Variants in KLF12 observed in about 807,000 individuals in gnomAD.
KLF12 encodes the protein KLF transcription factor 12.
In KLF12, 9 loss-of-function variants were observed where a neutral mutation model predicts 37.8. The ratio of observed to expected loss-of-function variants is 0.24; its 90% CI spans 0.14 to 0.42. The LOEUF is 0.42. Among genes scored for constraint, KLF12 ranks in the 10% least tolerant of loss-of-function variants. The pLI is 1.00. For missense variants in KLF12, 411 were observed against 516.0 expected (o/e 0.80, Z 1.97); for synonymous variants, 208 against 202.1 (o/e 1.03, Z -0.25).
chr13:73,970,078 T>C (rs762693556), intron 2 of KLF12, among the ~76,000 whole-genome samples: 1 of 152,126 alleles, frequency 6.6e-6, no homozygotes, highest in Admixed American at 6.6e-5. Flanking sequence ...ATTTGATATA[T>C]AGCTGGTGCA....
intron 6 of KLF12, among the ~76,000 whole-genome samples, chr13:73,725,639 A>T (rs570015680): frequency 6.6e-6 from 1 of 151,590 alleles, no homozygotes; most frequent in Non-Finnish European, 1.5e-5. Flanking sequence ...TTGTGGTGGA[A>T]GCTCCTTGTA....
At chr13:74,135,236 T>G (rs1032922105), upstream of KLF12, among the ~76,000 whole-genome samples, 3 of 151,926 alleles carry the variant, frequency 2.0e-5, no homozygotes, top group African/African-American at 7.2e-5. Context: ...AAGGGGCCCC[T>G]GCCTGCGCCA....
chr13:74,178,072 T>C, the KLF12 span, among the ~76,000 whole-genome samples: 1 of 152,222 alleles, frequency 6.6e-6, no homozygotes, highest in South Asian at 2.1e-4. Context: ...TTCTACGGTG[T>C]CACCAAGGAG....
the KLF12 span, among the ~76,000 whole-genome samples, chr13:74,162,729 A>G: frequency 1.3e-5 from 2 of 152,222 alleles, no homozygotes; most frequent in Non-Finnish European, 2.9e-5. Context: ...TGTGAAATGC[A>G]GAGGCATTGG....
chr13:74,012,089 T>C (rs189058857), intron 1 of KLF12, among the ~76,000 whole-genome samples: 1 of 152,348 alleles, frequency 6.6e-6, no homozygotes, highest in East Asian at 1.9e-4. Context: ...ATCTAGCATT[T>C]AATGCATCTG....
chr13:74,179,809 A>G, the KLF12 span, among the ~76,000 whole-genome samples: 1 of 152,188 alleles, frequency 6.6e-6, no homozygotes, highest in Admixed American at 6.5e-5. Context: ...AATATGTCCT[A>G]AGAAAGGAGA....
intron 6 of KLF12, among the ~76,000 whole-genome samples, chr13:73,722,541 C>T (rs1173555109): frequency 6.6e-6 from 1 of 152,178 alleles, no homozygotes; most frequent in Non-Finnish European, 1.5e-5. Context: ...GATTCACAGG[C>T]ATCAAGTTCC....
At chr13:74,057,140 G>A (rs762950502) in intron 1 of KLF12, among the ~76,000 whole-genome samples, 2 of 152,110 alleles carry the variant, frequency 1.3e-5, no homozygotes, top group Non-Finnish European at 2.9e-5. Context: ...TCGATTTCAG[G>A]CTTTTTTGTT....
intron 2 of KLF12, among the ~76,000 whole-genome samples, chr13:73,965,551 T>C (rs1891149504): frequency 6.6e-6 from 1 of 152,276 alleles, no homozygotes; most frequent in East Asian, 1.9e-4. Context: ...CTTGCGCTTG[T>C]ATCTACATGG....
chr13:73,933,499 CT>C (rs1889779942), intron 3 of KLF12, among the ~76,000 whole-genome samples: 1 of 152,090 alleles, frequency 6.6e-6, no homozygotes, highest in East Asian at 1.9e-4. Context: ...AGTTTCTGAT[CT>C]GAGGACAGGC....
the KLF12 span, among the ~76,000 whole-genome samples, chr13:74,176,397 G>T: frequency 6.6e-6 from 1 of 152,010 alleles, no homozygotes; most frequent in African/African-American, 2.4e-5. Context: ...ACATTATCCC[G>T]GAAGACTTCT....
chr13:74,262,035 C>G, the KLF12 span, among the ~76,000 whole-genome samples: 1 of 152,160 alleles, frequency 6.6e-6, no homozygotes, highest in Non-Finnish European at 1.5e-5. Flanking sequence ...TGGGGCCTCT[C>G]TTTTTGCCAT....
the KLF12 span, among the ~76,000 whole-genome samples, chr13:74,265,688 C>A: frequency 6.6e-6 from 1 of 152,186 alleles, no homozygotes; most frequent in Non-Finnish European, 1.5e-5. Context: ...GTGGGACCTA[C>A]AGACACATCC....
At chr13:73,962,874 T>A (rs1033420993) in intron 2 of KLF12, among the ~76,000 whole-genome samples, 10 of 152,318 alleles carry the variant, frequency 6.6e-5, no homozygotes, top group African/African-American at 2.4e-4. Flanking sequence ...TTGCCAAGTC[T>A]ATAAAATTAT....
chr13:73,762,109 T>G (rs966142337), intron 6 of KLF12, among the ~76,000 whole-genome samples: 4 of 152,172 alleles, frequency 2.6e-5, no homozygotes, highest in African/African-American at 9.7e-5. Flanking sequence ...AAGTTCTTAT[T>G]GCCATTCTTT....
At chr13:74,175,029 C>T in the KLF12 span, among the ~76,000 whole-genome samples, 1 of 152,222 alleles carries the variant, frequency 6.6e-6, no homozygotes, top group Non-Finnish European at 1.5e-5. Flanking sequence ...ACAACTCACA[C>T]TGCAGATGCC....
intron 3 of KLF12, among the ~76,000 whole-genome samples, chr13:73,885,273 C>A (rs1259924360): frequency 6.6e-6 from 1 of 152,204 alleles, no homozygotes; most frequent in African/African-American, 2.4e-5. Flanking sequence ...TGCATCAACA[C>A]CTACCTAGTA....
Position 73,976,104 on chromosome 13 carries a change from T to C in KLF12, c.33+18886A>G, listed in dbSNP as rs17061859. Among the ~76,000 whole-genome samples the C allele has an allele frequency of 6.1e-3, 915 of 150,196 alleles. 3 individuals carry two copies. Among genetic ancestry groups the C allele is most frequent in the Middle Eastern group, 0.014 (4 of 292 alleles). On this transcript the variant is annotated intron_variant, in intron 2 of 7. Transcript: ENST00000377669. ...ACATAATAAGTCATTAAAAAAAATG[T>C]TGAGGAATTAATGAATGGGCCATGA... is the stretch of plus-strand genomic sequence containing the variant.
the KLF12 span, chr13:74,289,017 T>G: frequency 6.6e-6 from 1 of 152,244 alleles, no homozygotes; most frequent in African/African-American, 2.4e-5. Flanking sequence ...TTTCTGAATA[T>G]TTATAGCTTT....
Sources: gnomAD v4.1 joint callset for allele counts (sites outside exome capture counted in the v4.1 genomes callset) on GRCh38, gnomAD v4.1.1 for gene constraint, MANE v1.5 for transcripts, NCBI Gene and HGNC (gene_info 2026-07-23, HGNC 2026-07-21) for gene names.